Variants in NRG3 observed in about 807,000 individuals in gnomAD.
The protein encoded by NRG3 is neuregulin 3.
In NRG3, 31 loss-of-function variants were observed where a neutral mutation model predicts 66.9. The observed-to-expected ratio is 0.46, with a 90% CI of 0.35 to 0.63. The LOEUF is 0.63. Among genes scored for constraint, NRG3 ranks in the 20% least tolerant of loss-of-function variants. The probability of loss-of-function intolerance (pLI) is 0.00; values close to 1 mark genes in which losing one functional copy is unlikely to be tolerated. For missense variants in NRG3, 910 were observed against 878.9 expected (o/e 1.04, Z -0.45); for synonymous variants, 393 against 359.4 (o/e 1.09, Z -1.06).
intron 1 of NRG3, among the ~76,000 whole-genome samples, chr10:82,032,633 C>A (rs1180446573): frequency 6.6e-6 from 1 of 151,920 alleles, no homozygotes; most frequent in East Asian, 1.9e-4. Flanking sequence ...ACTGGAAATT[C>A]TTTAATTCTA....
chr10:82,685,383 A>G (rs2054438215), intron 2 of NRG3, among the ~76,000 whole-genome samples: 1 of 152,188 alleles, frequency 6.6e-6, no homozygotes, highest in Non-Finnish European at 1.5e-5. Context: ...TTGAGATCAA[A>G]CTCAGTCCTG....
chr10:82,399,118 C>A (rs1015801321), intron 2 of NRG3, among the ~76,000 whole-genome samples: 2 of 152,120 alleles, frequency 1.3e-5, no homozygotes, highest in Admixed American at 6.6e-5. Flanking sequence ...TACATGCCTC[C>A]TTTTTAGTTA....
intron 2 of NRG3, among the ~76,000 whole-genome samples, chr10:82,581,637 G>A (rs560312993): frequency 6.6e-6 from 1 of 152,064 alleles, no homozygotes; most frequent in African/African-American, 2.4e-5. Context: ...GAAAAGAATT[G>A]TGGAGATAAA....
intron 4 of NRG3, among the ~76,000 whole-genome samples, chr10:82,931,427 A>G (rs908958349): frequency 3.3e-5 from 5 of 152,216 alleles, no homozygotes; most frequent in Non-Finnish European, 4.4e-5. Flanking sequence ...CCTTCTGAGT[A>G]TATAACCTTG....
chr10:82,432,079 A>G (rs1348914067), intron 2 of NRG3, among the ~76,000 whole-genome samples: 5 of 152,184 alleles, frequency 3.3e-5, no homozygotes, highest in Non-Finnish European at 5.9e-5. Flanking sequence ...CTTCATTCCT[A>G]TAGAGGGAGG....
At chr10:82,809,111 G>A (rs1291183009) in intron 3 of NRG3, among the ~76,000 whole-genome samples, 1 of 152,144 alleles carries the variant, frequency 6.6e-6, no homozygotes, top group East Asian at 1.9e-4. Flanking sequence ...CATGCACCAT[G>A]CAAAGAAGGG....
chr10:82,791,673 T>C (rs1416275532), intron 3 of NRG3, among the ~76,000 whole-genome samples: 7 of 152,196 alleles, frequency 4.6e-5, no homozygotes, highest in Non-Finnish European at 8.8e-5. Context: ...ATGTAGAGAT[T>C]TTCAAAGCCC....
Position 82,904,301 on chromosome 10 carries a change from C to T in NRG3, c.1054+38864C>T, listed in dbSNP as rs111743185. On this transcript the variant is annotated intron_variant, in intron 4 of 8. Transcript: ENST00000372141. ...TTTCTTCAAATGTGGCCCAGGGAAG[C>T]CAAAAGACTGGACACCCCTGGTGTA... Among the ~76,000 whole-genome samples, 232 of 152,174 alleles carry T rather than the reference C, an allele frequency of 1.5e-3. 1 individual carries two copies. The highest frequency in any genetic ancestry group is 5.2e-3 in the African/African-American group (214 of 41,526).
chr10:82,740,531 A>G (rs2058371303), intron 3 of NRG3, among the ~76,000 whole-genome samples: 1 of 152,078 alleles, frequency 6.6e-6, no homozygotes, highest in African/African-American at 2.4e-5. Context: ...TTAAATTGCT[A>G]TTAAAATTAT....
At chr10:82,853,293 A>G (rs1018231872) in intron 3 of NRG3, among the ~76,000 whole-genome samples, 17 of 152,122 alleles carry the variant, frequency 1.1e-4, no homozygotes, top group African/African-American at 4.1e-4. Flanking sequence ...TTGGTTTCAT[A>G]TGAATTTTAG....
At chr10:82,037,020 G>A in intron 1 of NRG3, among the ~76,000 whole-genome samples, 1 of 152,080 alleles carries the variant, frequency 6.6e-6, no homozygotes, top group South Asian at 2.1e-4. Flanking sequence ...CACCAACATA[G>A]TTTCTGTTCC....
At chr10:82,194,111 A>G (rs1369117700) in intron 1 of NRG3, among the ~76,000 whole-genome samples, 1 of 152,194 alleles carries the variant, frequency 6.6e-6, no homozygotes, top group Non-Finnish European at 1.5e-5. Flanking sequence ...ACTGAGAGTA[A>G]GAAGAAAGCA....
intron 2 of NRG3, among the ~76,000 whole-genome samples, chr10:82,436,644 A>G (rs537829125): frequency 5.9e-5 from 9 of 152,152 alleles, no homozygotes; most frequent in African/African-American, 1.9e-4. Flanking sequence ...TGGTTTTTAC[A>G]TTTTGGTGTG....
intron 3 of NRG3, among the ~76,000 whole-genome samples, chr10:82,783,741 G>A (rs192680295): frequency 0.025 from 3,860 of 152,152 alleles, 160 homozygotes; most frequent in African/African-American, 0.087. Flanking sequence ...TTCCATGCTC[G>A]TGGGTAGGAA....
chr10:82,743,357 G>A (rs927894186), intron 3 of NRG3, among the ~76,000 whole-genome samples: 5 of 152,126 alleles, frequency 3.3e-5, no homozygotes, highest in African/African-American at 1.2e-4. Context: ...AAGATGCTAG[G>A]AGCCTGGTCT....
At chr10:82,595,993 A>G (rs897978364) in intron 2 of NRG3, among the ~76,000 whole-genome samples, 3 of 152,216 alleles carry the variant, frequency 2.0e-5, no homozygotes, top group Admixed American at 2.0e-4. Context: ...TGTTTCTGGC[A>G]TAGAAGGAAA....
At chr10:82,766,392 A>G (rs1329288753) in intron 3 of NRG3, among the ~76,000 whole-genome samples, 1 of 152,172 alleles carries the variant, frequency 6.6e-6, no homozygotes, top group Non-Finnish European at 1.5e-5. Flanking sequence ...AATGACCACA[A>G]CTAGTCACAG....
At chr10:82,795,230 A>G (rs2060750711) in intron 3 of NRG3, among the ~76,000 whole-genome samples, 1 of 152,230 alleles carries the variant, frequency 6.6e-6, no homozygotes, top group Non-Finnish European at 1.5e-5. Context: ...CATTTTTTAA[A>G]AAGTTACACA....
intron 1 of NRG3, among the ~76,000 whole-genome samples, chr10:82,325,909 A>G (rs2081850589): frequency 6.6e-6 from 1 of 152,202 alleles, no homozygotes; most frequent in Non-Finnish European, 1.5e-5. Flanking sequence ...TTTTTGCTAT[A>G]AACAGTTGAT....
Sources: allele counts gnomAD v4.1 joint callset (sites outside exome capture counted in the v4.1 genomes callset), GRCh38; gene constraint gnomAD v4.1.1; transcripts MANE v1.5; gene names NCBI Gene and HGNC (gene_info 2026-07-23, HGNC 2026-07-21).